The following XKR4 variants were observed in gnomAD, a reference collection of about 807,000 sequenced individuals.
XKR4 encodes the protein XK-related protein 4.
In XKR4, 12 loss-of-function variants were observed where a neutral mutation model predicts 53.9. The ratio of observed to expected loss-of-function variants is 0.22; its 90% CI spans 0.14 to 0.36. The LOEUF is 0.36. Ranked by LOEUF, XKR4 falls within the 10% of genes least tolerant of loss-of-function variation. XKR4 has a pLI of 1.00. For synonymous variants in XKR4, 354 were observed against 362.4 expected (o/e 0.98, Z 0.26); for missense variants, 799 against 859.5 (o/e 0.93, Z 0.88).
chr8:55,117,816 T>C (rs750877279), intron 1 of XKR4, among the ~76,000 whole-genome samples: 2 of 152,194 alleles, frequency 1.3e-5, no homozygotes, highest in East Asian at 1.9e-4. Flanking sequence ...CTAAAAATGG[T>C]AATGAGTTCA....
chr8:55,467,071 G>A (rs1805786151), intron 2 of XKR4, among the ~76,000 whole-genome samples: 1 of 152,092 alleles, frequency 6.6e-6, no homozygotes, highest in South Asian at 2.1e-4. Context: ...GTCAGCCAGG[G>A]CTGCAATCTC....
In XKR4 at chr8:55,258,020, C is replaced by T. The variant is rs140180845; in HGVS notation, c.807-99658C>T. Reference sequence around the variant, plus strand: ...TCTGGACTGGATTCCAGCCCCAGTGCTGAGTCCTGAGCTGGTGACCCCAGG... The same window carrying T: ...TCTGGACTGGATTCCAGCCCCAGTGTTGAGTCCTGAGCTGGTGACCCCAGG... On this transcript the variant is annotated intron_variant, in intron 1 of 2. Transcript: ENST00000327381. Among the ~76,000 whole-genome samples, 195 of 152,340 alleles carry T rather than the reference C, an allele frequency of 1.3e-3. 2 individuals are homozygous for T. The highest frequency in any genetic ancestry group is 3.5e-3 in the East Asian group (18 of 5,178).
intron 1 of XKR4, among the ~76,000 whole-genome samples, chr8:55,333,038 A>G (rs548767828): frequency 6.6e-6 from 1 of 150,604 alleles, no homozygotes; most frequent in African/African-American, 2.4e-5. Context: ...CAATTCATTT[A>G]TTATATTTTT....
intron 1 of XKR4, among the ~76,000 whole-genome samples, 162 bp from the exon 2 acceptor site, chr8:55,357,516 A>G (rs1354428611): frequency 1.3e-5 from 2 of 152,208 alleles, no homozygotes; most frequent in East Asian, 3.8e-4. Flanking sequence ...AAATATGGGT[A>G]CTCTTAAGCA....
chr8:55,359,782 C>T (rs971855064), intron 2 of XKR4, among the ~76,000 whole-genome samples: 6 of 151,406 alleles, frequency 4.0e-5, no homozygotes, highest in South Asian at 2.1e-4. Flanking sequence ...AGTTTAAGGA[C>T]GATACATAAA....
chr8:55,358,218 A>ACT (rs547330354), intron 2 of XKR4, among the ~76,000 whole-genome samples: 4 of 151,530 alleles, frequency 2.6e-5, no homozygotes, highest in Non-Finnish European at 5.9e-5. Flanking sequence ...GAAAGCAGTA[A>ACT]CTCTCTCTCT....
At chr8:55,361,898 G>C (rs950341055) in intron 2 of XKR4, among the ~76,000 whole-genome samples, 5 of 152,110 alleles carry the variant, frequency 3.3e-5, no homozygotes, top group African/African-American at 1.2e-4. Context: ...GCAGAATTCA[G>C]TTTAACCTCC....
intron 1 of XKR4, among the ~76,000 whole-genome samples, chr8:55,313,299 T>C (rs971994214): frequency 6.6e-6 from 1 of 152,216 alleles, no homozygotes; most frequent in African/African-American, 2.4e-5. Flanking sequence ...AGCTATAACA[T>C]TGATTTGTAC....
chr8:55,396,354 G>A (rs1045455265), intron 2 of XKR4, among the ~76,000 whole-genome samples: 6 of 151,120 alleles, frequency 4.0e-5, no homozygotes, highest in Non-Finnish European at 8.8e-5. Context: ...ATTTTGTTGG[G>A]ACAGAGGGCA....
chr8:55,313,330 T>C (rs1283378696), intron 1 of XKR4, among the ~76,000 whole-genome samples: 1 of 152,156 alleles, frequency 6.6e-6, no homozygotes, highest in African/African-American at 2.4e-5. Flanking sequence ...TCCAATCCAT[T>C]CTGAGGATGC....
chr8:55,407,032 A>G (rs1416630330), intron 2 of XKR4, among the ~76,000 whole-genome samples: 1 of 152,218 alleles, frequency 6.6e-6, no homozygotes, highest in Non-Finnish European at 1.5e-5. Context: ...CCAGGAAACC[A>G]GAAACATGGC....
chr8:55,422,419 G>A (rs1005414736), intron 2 of XKR4, among the ~76,000 whole-genome samples: 6 of 152,238 alleles, frequency 3.9e-5, no homozygotes, highest in African/African-American at 1.2e-4. Flanking sequence ...AATAATGGGA[G>A]TGGGGAGGCT....
intron 1 of XKR4, among the ~76,000 whole-genome samples, chr8:55,255,066 T>C (rs1254447392): frequency 2.6e-5 from 4 of 152,246 alleles, no homozygotes; most frequent in Admixed American, 2.6e-4. Context: ...TTAATTATTC[T>C]GCACAACTTC....
chr8:55,363,275 A>G (rs552698603), intron 2 of XKR4, among the ~76,000 whole-genome samples: 1 of 152,324 alleles, frequency 6.6e-6, no homozygotes, highest in African/African-American at 2.4e-5. Context: ...AACAAAAACG[A>G]AAAACACCGA....
intron 2 of XKR4, among the ~76,000 whole-genome samples, chr8:55,441,715 A>T (rs2622593): frequency 6.6e-6 from 1 of 151,932 alleles, no homozygotes; most frequent in African/African-American, 2.4e-5. Context: ...CTTAATAAGC[A>T]TTGGTCAGTT....
chr8:55,411,688 C>A (rs147651677), intron 2 of XKR4, among the ~76,000 whole-genome samples: 5 of 152,300 alleles, frequency 3.3e-5, no homozygotes, highest in Admixed American at 6.5e-5. Context: ...CCTCCCCTCC[C>A]CTGACAATCA....
intron 2 of XKR4, among the ~76,000 whole-genome samples, chr8:55,498,831 A>G (rs188231441): frequency 1.3e-5 from 2 of 152,270 alleles, no homozygotes; most frequent in South Asian, 2.1e-4. Context: ...CTTTATGTCT[A>G]TATCCCTAGC....
intron 1 of XKR4, among the ~76,000 whole-genome samples, chr8:55,122,950 T>C (rs1274132802): frequency 1.4e-5 from 2 of 147,022 alleles, no homozygotes; most frequent in Admixed American, 6.7e-5. Context: ...GGATTGAGCT[T>C]CATGGGGTGT....
intron 1 of XKR4, among the ~76,000 whole-genome samples, chr8:55,155,379 A>G (rs995835754): frequency 2.6e-5 from 4 of 152,178 alleles, no homozygotes; most frequent in Non-Finnish European, 5.9e-5. Flanking sequence ...GACCAGAACA[A>G]ATTAAAAAAT....
Sources: gnomAD v4.1 joint callset for allele counts (sites outside exome capture counted in the v4.1 genomes callset) on GRCh38, gnomAD v4.1.1 for gene constraint, MANE v1.5 for transcripts, NCBI Gene and HGNC (gene_info 2026-07-23, HGNC 2026-07-21) for gene names.